The following CDK6 variants were observed in gnomAD, a reference collection of about 807,000 sequenced individuals.
CDK6 encodes cyclin dependent kinase 6.
A neutral mutation model predicts 37.1 loss-of-function variants in CDK6; 6 were observed. The observed-to-expected ratio is 0.16, with a 90% confidence interval of 0.09 to 0.32. CDK6 has a LOEUF of 0.32. Ranked by LOEUF, CDK6 falls within the 10% of genes least tolerant of loss-of-function variation. The pLI is 1.00. For missense variants in CDK6, 224 were observed against 418.9 expected (o/e 0.53, Z 4.06); for synonymous variants, 160 against 161.3 (o/e 0.99, Z 0.06).
At chr7:92,734,675 C>T (rs1798740917) in intron 3 of CDK6, among the ~76,000 whole-genome samples, 1 of 152,190 alleles carries the variant, frequency 6.6e-6, no homozygotes. Context: ...AACTCACTGA[C>T]TCCTTTTAGG....
At chr7:92,632,760 C>T (rs1466330092) in intron 5 of CDK6, among the ~76,000 whole-genome samples, 1 of 151,460 alleles carries the variant, frequency 6.6e-6, no homozygotes, top group Non-Finnish European at 1.5e-5. Context: ...TATGTATCCA[C>T]AAAAATTAAA....
chr7:92,789,946 T>G (rs946212552), intron 2 of CDK6, among the ~76,000 whole-genome samples: 3 of 152,108 alleles, frequency 2.0e-5, no homozygotes, highest in Non-Finnish European at 4.4e-5. Flanking sequence ...CCTGGACCTA[T>G]TCTCTTCTTC....
intron 4 of CDK6, among the ~76,000 whole-genome samples, chr7:92,722,343 A>G (rs781032356): frequency 1.3e-5 from 2 of 152,230 alleles, no homozygotes; most frequent in Non-Finnish European, 2.9e-5. Context: ...ATAATGCTAC[A>G]TTCCTCTATC....
chr7:92,665,969 A>G (rs1796947089), intron 5 of CDK6, among the ~76,000 whole-genome samples: 1 of 152,234 alleles, frequency 6.6e-6, no homozygotes, highest in Non-Finnish European at 1.5e-5. Context: ...AGTCTTCAGA[A>G]TAGGGGTTTA....
chr7:92,727,302 C>T (rs1023399941), intron 3 of CDK6, among the ~76,000 whole-genome samples: 17 of 152,116 alleles, frequency 1.1e-4, no homozygotes, highest in African/African-American at 3.4e-4. Flanking sequence ...TATCATTGGC[C>T]GGACCACTGA....
chr7:92,744,832 G>A (rs1385680708), intron 3 of CDK6, among the ~76,000 whole-genome samples: 1 of 152,062 alleles, frequency 6.6e-6, no homozygotes, highest in African/African-American at 2.4e-5. Context: ...TGGAAAGTTT[G>A]TAAGTAAGAC....
chr7:92,808,090 A>G (rs1800774767), intron 2 of CDK6, among the ~76,000 whole-genome samples: 1 of 152,178 alleles, frequency 6.6e-6, no homozygotes, highest in Non-Finnish European at 1.5e-5. Flanking sequence ...CTGTAAATTA[A>G]AAAGAAAATA....
chr7:92,741,314 A>T (rs1186623633), intron 3 of CDK6, among the ~76,000 whole-genome samples: 1 of 152,196 alleles, frequency 6.6e-6, no homozygotes, highest in Admixed American at 6.5e-5. Context: ...TGGCCAGATA[A>T]AACGTAGGAC....
intron 5 of CDK6, among the ~76,000 whole-genome samples, chr7:92,624,057 A>G (rs1328547875): frequency 5.9e-5 from 9 of 152,102 alleles, no homozygotes; most frequent in Non-Finnish European, 1.3e-4. Flanking sequence ...TGCACAATAA[A>G]TGAACTCACT....
At position 92,644,930 on chromosome 7, in the gene CDK6, T is replaced by C. The variant is rs564172229; in HGVS notation, c.648-21844A>G. 1.3e-4 allele frequency among the ~76,000 whole-genome samples: 20 copies of C among 152,318 alleles called. No homozygotes were observed. The South Asian group carries it at 4.1e-3, about 32-fold the overall frequency. ...ATGGGGCCTGGCGCTGCACTGACAG[T>C]GCTGCATGTCCAAAGAGGCAAGCAG... On this transcript the variant is annotated intron_variant, in intron 5 of 7. Coordinates refer to ENST00000424848, the MANE Select transcript of CDK6 (RefSeq NM_001145306.2).
chr7:92,832,996 T>A lies in CDK6; in HGVS notation c.233+95A>T. On this transcript the variant is annotated intron_variant, in intron 2 of 7. Coordinates refer to ENST00000424848, the MANE Select transcript of CDK6 (RefSeq NM_001145306.2). ...TCGCGCAGGACCTCCCCAGTCGCCC[T>A]CTGCCCCGCACCTTTCTGGGCCTGA... is the stretch of plus-strand genomic sequence containing the variant. 4 of 874,258 alleles carry A rather than the reference T, an allele frequency of 4.6e-6. No homozygotes were observed. In the South Asian group the frequency reaches 6.4e-5, roughly 14 times the overall value. 54.2% of individuals were successfully genotyped at this position (874,258 alleles called of 1,614,324 possible).
intron 5 of CDK6, among the ~76,000 whole-genome samples, chr7:92,658,104 A>G (rs1222216946): frequency 6.6e-6 from 1 of 152,134 alleles, no homozygotes; most frequent in Non-Finnish European, 1.5e-5. Flanking sequence ...ACTCTTGACA[A>G]CCTTTCTTCA....
chr7:92,817,233 A>T (rs1195272204), intron 2 of CDK6, among the ~76,000 whole-genome samples: 1 of 151,726 alleles, frequency 6.6e-6, no homozygotes, highest in East Asian at 1.9e-4. Context: ...GAGTTATTAT[A>T]AAAAAAATTA....
intron 4 of CDK6, among the ~76,000 whole-genome samples, chr7:92,680,612 ATAACTTTGTCC>A (rs1371380697): frequency 2.0e-5 from 3 of 152,210 alleles, no homozygotes; most frequent in Non-Finnish European, 4.4e-5. Context: ...CGCTGTGCCA[ATAACTTTGTCC>A]TCACCTCTGC....
At chr7:92,646,722 T>C (rs1288910095) in intron 5 of CDK6, among the ~76,000 whole-genome samples, 2 of 152,134 alleles carry the variant, frequency 1.3e-5, no homozygotes, top group Non-Finnish European at 2.9e-5. Flanking sequence ...TTTCAAAGAA[T>C]ATTTGCTCAT....
chr7:92,607,229 A>C lies in CDK6; in HGVS notation c.*7911T>G. On this transcript the variant is annotated 3_prime_UTR_variant, in exon 8 of 8. Transcript: ENST00000424848. ...CACATGACACCTACGAGGGCACTAC[A>C]TCACGTGAGGGAAGCTTCTTCATGA... 4.3e-6 allele frequency: 1 copy of C among 233,394 alleles called. No homozygotes were observed. Among genetic ancestry groups the C allele is most frequent in the Non-Finnish European group, 8.5e-6 (1 of 117,932 alleles). 14.5% of individuals were successfully genotyped at this position (233,394 alleles called of 1,614,324 possible). A position where few individuals can be genotyped will look rare whatever the true frequency, so the allele number is the denominator to read the frequency against.
At chr7:92,735,529 G>A (rs1302437957) in intron 3 of CDK6, among the ~76,000 whole-genome samples, 1 of 152,162 alleles carries the variant, frequency 6.6e-6, no homozygotes, top group African/African-American at 2.4e-5. Flanking sequence ...TAGAACTGTG[G>A]AGAGAACCTA....
chr7:92,686,878 T>G (rs902589930), intron 4 of CDK6, among the ~76,000 whole-genome samples: 9 of 152,164 alleles, frequency 5.9e-5, no homozygotes, highest in African/African-American at 1.9e-4. Context: ...ATTAGTGATG[T>G]TGGACATTTT....
At chr7:92,766,949 T>C (rs1799595876) in intron 3 of CDK6, among the ~76,000 whole-genome samples, 1 of 152,130 alleles carries the variant, frequency 6.6e-6, no homozygotes, top group African/African-American at 2.4e-5. Context: ...CTTAAACCCA[T>C]ATTTCCTATC....
Sources: gnomAD v4.1 joint callset for allele counts (sites outside exome capture counted in the v4.1 genomes callset) on GRCh38, gnomAD v4.1.1 for gene constraint, MANE v1.5 for transcripts, NCBI Gene and HGNC (gene_info 2026-07-23, HGNC 2026-07-21) for gene names.